The following SMG1 variants were observed in gnomAD, a reference collection of about 807,000 sequenced individuals.
The protein encoded by SMG1 is SMG1 nonsense mediated mRNA decay associated PI3K related kinase, also known as serine/threonine-protein kinase SMG1.
A neutral mutation model predicts 419.9 loss-of-function variants in SMG1; 22 were observed. That is an observed-to-expected ratio of 0.05 (90% CI 0.04 to 0.07). SMG1 has a LOEUF of 0.07. Among genes scored for constraint, SMG1 ranks in the 10% least tolerant of loss-of-function variants. SMG1 has a pLI of 1.00. For synonymous variants in SMG1, 1,538 were observed against 1,553.5 expected (o/e 0.99, Z 0.23); for missense variants, 3,185 against 4,342.0 (o/e 0.73, Z 7.49).
chr16:18,900,133 G>C (rs1364613693), intron 1 of SMG1: 3 of 678,440 alleles, frequency 4.4e-6, no homozygotes, highest in Non-Finnish European at 7.6e-6. Context: ...CATGAGTTAG[G>C]TGCCTTTAGT....
At chr16:18,924,492 T>G (rs2038315551) in intron 1 of SMG1, among the ~76,000 whole-genome samples, 2 of 152,240 alleles carry the variant, frequency 1.3e-5, no homozygotes, top group African/African-American at 4.8e-5. Context: ...GTCATTTATT[T>G]ACCACCTAAT....
chr16:18,889,122 C>A (rs1452576058), intron 6 of SMG1, among the ~76,000 whole-genome samples: 1 of 152,138 alleles, frequency 6.6e-6, no homozygotes, highest in African/African-American at 2.4e-5. Context: ...CCGCACCTGG[C>A]GTGTAAGCCA....
rs754127439 is a variant in SMG1 at position 18,815,910 on chromosome 16, C to T, written c.10303-259G>A. On this transcript the variant is annotated intron_variant, in intron 58 of 62. Transcript: ENST00000446231. ...TCTGGAGGCTTAGTTTTCTTACTTA[C>T]TAGACTATGTACAACACTGGAGGGA... The T allele has an allele frequency of 8.1e-6, 4 of 494,914 alleles. No individual in the cohort carries two copies. The East Asian group carries it at 1.1e-4, about 13-fold the overall frequency. The allele number at this position is 494,914 out of a possible 1,614,324, so 30.7% of individuals were successfully genotyped here.
chr16:18,895,205 T>G (rs2037068439), intron 3 of SMG1, among the ~76,000 whole-genome samples: 1 of 152,096 alleles, frequency 6.6e-6, no homozygotes, highest in South Asian at 2.1e-4. Context: ...TTTAGAAAAG[T>G]GCCCACTCTA....
At position 18,807,581 on chromosome 16, in the gene SMG1, C is replaced by T. The variant is rs1339939846; in HGVS notation, c.*1988G>A. 1 of 152,152 alleles carries T rather than the reference C, an allele frequency of 6.6e-6. No homozygotes were observed. Among genetic ancestry groups the T allele is most frequent in the Non-Finnish European group, 1.5e-5 (1 of 68,030 alleles). The allele number at this position is 152,152 out of a possible 1,614,324, so 9.4% of individuals were successfully genotyped here. On this transcript the variant is annotated 3_prime_UTR_variant, in exon 63 of 63. Transcript: ENST00000446231. ...GCACTGATACTGAAACACATTCTTT[C>T]ATGGGTACTTAACGATTACAGATTA...
intron 1 of SMG1, among the ~76,000 whole-genome samples, chr16:18,919,301 T>C (rs1371438151): frequency 1.3e-5 from 2 of 151,364 alleles, no homozygotes; most frequent in Admixed American, 6.6e-5. Context: ...CATTTCAGCC[T>C]GGGCAACACA....
At chr16:18,920,103 C>T (rs1318638385) in intron 1 of SMG1, among the ~76,000 whole-genome samples, 1 of 151,244 alleles carries the variant, frequency 6.6e-6, no homozygotes, top group Non-Finnish European at 1.5e-5. Context: ...AAAAAAAGGC[C>T]GGGTGCAGTG....
In SMG1 at chr16:18,869,866, G is replaced by C; in HGVS notation, c.2621C>G (p.Ser874Cys). 1.9e-6 allele frequency: 3 copies of C among 1,583,682 alleles called. No homozygotes were observed. In the South Asian group the frequency reaches 3.3e-5, roughly 18 times the overall value. Reference sequence around the variant, plus strand: ...AGAAATGCCTTACCCTGTTCTATGAGAGTTCCCATACAAAATAAAACTAAT... The same window carrying C: ...AGAAATGCCTTACCCTGTTCTATGACAGTTCCCATACAAAATAAAACTAAT... ...DVISFILYGN[S>C]HRTGKDNWLE... Residue 874 changes from serine to cysteine, a missense_variant, in exon 19 of 63, where the codon TCT becomes TGT. Ser to Cys is a moderately radical substitution (Grantham distance 112, BLOSUM62 -1). Transcript: ENST00000446231.
chr16:18,921,468 C>G (rs1325807658), intron 1 of SMG1, among the ~76,000 whole-genome samples: 1 of 152,142 alleles, frequency 6.6e-6, no homozygotes, highest in Non-Finnish European at 1.5e-5. Flanking sequence ...AATAGCCATA[C>G]ACAATTTGCT....
chr16:18,925,893 G>A lies in SMG1; in HGVS notation c.92+57C>T, dbSNP rs572299492. On this transcript the variant is annotated intron_variant, in intron 1 of 62. Transcript: ENST00000446231. ...TCCCAGCCCCGCGGCCCTAGGCCTC[G>A]GCCCGCCCGAGGCGGAGCCCGGGAG... The A allele has an allele frequency of 6.9e-5, 95 of 1,385,290 alleles. 2 individuals are homozygous for A. In the South Asian group the frequency reaches 1.2e-3, roughly 17 times the overall value. 85.8% of individuals were successfully genotyped at this position (1,385,290 alleles called of 1,614,324 possible).
intron 29 of SMG1, 80 bp downstream of exon 29, chr16:18,858,090 T>C (rs1276847058): frequency 8.6e-7 from 1 of 1,167,418 alleles, no homozygotes; most frequent in Non-Finnish European, 1.2e-6. Flanking sequence ...ACTTAGAATG[T>C]GTAATATAAA....
intron 1 of SMG1, among the ~76,000 whole-genome samples, chr16:18,913,692 A>C (rs979563447): frequency 1.1e-4 from 17 of 152,040 alleles, no homozygotes; most frequent in Non-Finnish European, 2.2e-4. Flanking sequence ...AAAGACATAT[A>C]CATGTATGTG....
chr16:18,895,221 G>C (rs2037069181), intron 3 of SMG1, among the ~76,000 whole-genome samples: 1 of 151,968 alleles, frequency 6.6e-6, no homozygotes, highest in African/African-American at 2.4e-5. Flanking sequence ...CTCTAGGCAG[G>C]GCCCGGTGGC....
At chr16:18,812,563 C>CATATATATACACACACATATATATAT (rs2031521613) in intron 60 of SMG1, among the ~76,000 whole-genome samples, 4 of 150,266 alleles carry the variant, frequency 2.7e-5, no homozygotes, top group Non-Finnish European at 5.9e-5. Context: ...TATATATATA[C>CATATATATACACACACATATATATAT]ATATATATAC....
Position 18,859,178 on chromosome 16 carries a change from A to G in SMG1, c.3957T>C (p.Asn1319=). 1 of 1,532,226 alleles carries G rather than the reference A, an allele frequency of 6.5e-7. No homozygotes were observed. Among genetic ancestry groups the G allele is most frequent in the Non-Finnish European group, 8.7e-7 (1 of 1,144,466 alleles). 94.9% of individuals were successfully genotyped at this position (1,532,226 alleles called of 1,614,324 possible). The part of the protein sequence containing the change: ...QDQKWQSITE[N]VVKYLKQTSR... Reference sequence around the variant, plus strand: ...ATGTTTGCTTCAAGTACTTTACCACATTTCTGAAACAAAATATTTACTGCC... The same window carrying G: ...ATGTTTGCTTCAAGTACTTTACCACGTTTCTGAAACAAAATATTTACTGCC... Residue 1319 remains asparagine (N), a synonymous_variant, in exon 28 of 63, where the codon AAT becomes AAC. Coordinates refer to ENST00000446231, the MANE Select transcript of SMG1 (RefSeq NM_015092.5).
At chr16:18,845,775 G>GCAAAA in intron 38 of SMG1, 124 bp from the exon 39 acceptor site, 1 of 725,948 alleles carries the variant, frequency 1.4e-6, no homozygotes, top group Non-Finnish European at 2.2e-6. Flanking sequence ...TCTAAATAAA[G>GCAAAA]CAATAACATA....
rs779903471 is a variant in SMG1, at chr16:18,811,779, C to T, written c.10890G>A (p.Arg3630=). The change falls in exon 62 of 63, where the codon AGG becomes AGA. Residue 3630 remains arginine, a synonymous_variant. Transcript: ENST00000446231. ...LEGRDVDPNR[R]MSVAEQVDYV... is the part of the protein sequence containing the mutation. ...CGGTCACCTGTTCAGCAACTGACAT[C>T]CTCCTATTCGGATCAACATCTCGGC... 3 of 1,613,842 alleles carry T rather than the reference C, an allele frequency of 1.9e-6. No individual in the cohort carries two copies. The Admixed American group carries it at 5.0e-5, about 27-fold the overall frequency.
chr16:18,815,413 T>A, intron 59 of SMG1, 27 bp downstream of exon 59: 1 of 1,610,570 alleles, frequency 6.2e-7, no homozygotes, highest in Non-Finnish European at 8.5e-7. Flanking sequence ...TTATGTTTTA[T>A]AAATTCTGAC....
intron 23 of SMG1, 111 bp downstream of exon 23, chr16:18,866,510 A>T: frequency 1.1e-6 from 1 of 943,276 alleles, no homozygotes; most frequent in Middle Eastern, 3.2e-4. Context: ...GCAAGCTTCA[A>T]TGCTGAAAGC....
Sources: allele counts gnomAD v4.1 joint callset (sites outside exome capture counted in the v4.1 genomes callset), GRCh38; gene constraint gnomAD v4.1.1; transcripts MANE v1.5; gene names NCBI Gene and HGNC (gene_info 2026-07-23, HGNC 2026-07-21).